Variants in DBH observed in about 807,000 individuals in gnomAD.
DBH encodes dopamine beta-hydroxylase (dopamine beta-monooxygenase).
A neutral mutation model predicts 64.0 loss-of-function variants in DBH; 49 were observed. The observed-to-expected ratio is 0.77, with a 90% confidence interval of 0.61 to 0.97. DBH has a LOEUF of 0.97. DBH is among the 50% of genes least tolerant of loss of function. The pLI is 0.00. For missense variants in DBH, 828 were observed against 826.6 expected, an observed-to-expected ratio of 1.00 and a Z score of -0.02; for synonymous variants, 343 against 347.1, an observed-to-expected ratio of 0.99 and a Z score of 0.13.
chr9:133,641,287 G>A (rs1021697281), intron 2 of DBH, among the ~76,000 whole-genome samples: 5 of 152,230 alleles, frequency 3.3e-5, no homozygotes, highest in Non-Finnish European at 7.3e-5. Flanking sequence ...TGCTGGGGCA[G>A]ACCTGGTGCC....
At chr9:133,640,419 C>CA (rs992718628) in intron 2 of DBH, among the ~76,000 whole-genome samples, 2 of 152,190 alleles carry the variant, frequency 1.3e-5, no homozygotes, top group Non-Finnish European at 2.9e-5. Context: ...AACTGCCCCC[C>CA]TCCTCTGGAC....
intron 9 of DBH, chr9:133,654,951 G>C (rs1832296539): frequency 6.6e-6 from 1 of 152,346 alleles, no homozygotes; most frequent in Admixed American, 6.5e-5. Context: ...GGCCAGGGAT[G>C]GGAGGGTCTT....
rs895186514 is a variant in DBH at position 133,659,051 on chromosome 9, T to TATCA, written c.*605_*608dup. ...CCTAAAGGGAAGCCCTGACAACAAC[T>TATCA]ATCACCAAAAGACGAGGCGGCAAAG... On this transcript the variant is annotated 3_prime_UTR_variant, in exon 12 of 12. Coordinates refer to ENST00000393056, the MANE Select transcript of DBH (RefSeq NM_000787.4). 6 of 152,186 alleles carry TATCA rather than the reference T, an allele frequency of 3.9e-5. No homozygotes were observed. Among genetic ancestry groups the TATCA allele is most frequent in the African/African-American group, 9.7e-5 (4 of 41,430 alleles). 9.4% of individuals were successfully genotyped at this position (152,186 alleles called of 1,614,324 possible).
chr9:133,656,770 G>A, intron 10 of DBH, 120 bp downstream of exon 10: 2 of 1,312,044 alleles, frequency 1.5e-6, no homozygotes, highest in Non-Finnish European at 2.1e-6. Flanking sequence ...AGAGACCTGT[G>A]GCGGCATCAC....
chr9:133,653,027 C>G, intron 9 of DBH, 28 bp downstream of exon 9: 1 of 1,571,156 alleles, frequency 6.4e-7, no homozygotes. Context: ...CCCCCTGCAC[C>G]TGCCCAGGGC....
intron 6 of DBH, among the ~76,000 whole-genome samples, chr9:133,649,294 C>T (rs562815660): frequency 6.6e-6 from 1 of 152,290 alleles, no homozygotes; most frequent in South Asian, 2.1e-4. Flanking sequence ...ATGTTACAAA[C>T]ATTTCCTCCT....
chr9:133,656,943 T>G (rs1222923646), intron 10 of DBH, 127 bp from the exon 11 acceptor site: 9 of 1,144,860 alleles, frequency 7.9e-6, no homozygotes, highest in African/African-American at 1.5e-5. Context: ...GCAGCGGGGC[T>G]GGGGAGGAGG....
At position 133,648,016 on chromosome 9, in the gene DBH, A is replaced by G. The variant is rs1000629365; in HGVS notation, c.1191+4A>G. On this transcript the variant is annotated splice_donor_region_variant and intron_variant, in intron 6 of 11. Coordinates refer to ENST00000393056, the MANE Select transcript of DBH (RefSeq NM_000787.4). ...CACGGACAAGTGCACCCAGCTGGTG[A>G]GTGGGGCTGGGCCCGGCACTGCACC... is the stretch of plus-strand genomic sequence containing the variant. 5 of 1,610,790 alleles carry G rather than the reference A, an allele frequency of 3.1e-6. No homozygotes were observed. In the South Asian group the frequency reaches 4.4e-5, roughly 14 times the overall value.
intron 6 of DBH, among the ~76,000 whole-genome samples, chr9:133,650,528 C>T (rs1588351880): frequency 4.3e-5 from 5 of 116,116 alleles, no homozygotes; most frequent in South Asian, 2.8e-4. Flanking sequence ...TTCCTTCCTT[C>T]TCTTTTCTTT....
In DBH at chr9:133,643,705, C is replaced by A. The variant is rs1223907220; in HGVS notation, c.921+116C>A. ...CTTCAAGAAGGGGCTCCCAAGGGGG[C>A]TCACGAGGCCACCAGAAGGGCCAGG... On this transcript the variant is annotated intron_variant, in intron 4 of 11. Transcript: ENST00000393056. This position sits in a 1 kb window ranked among gnomAD's most constrained non-coding sequence, Gnocchi z 5.3. 7.4e-6 allele frequency: 9 copies of A among 1,214,754 alleles called. No homozygotes were observed. Among genetic ancestry groups the A allele is most frequent in the Non-Finnish European group, 8.1e-6 (7 of 863,168 alleles). The allele number at this position is 1,214,754 out of a possible 1,614,324, so 75.2% of individuals were successfully genotyped here. A position where few individuals can be genotyped will look rare whatever the true frequency, so the allele number is the denominator to read the frequency against.
At chr9:133,642,571 G>T in intron 3 of DBH, 107 bp downstream of exon 3, 1 of 1,398,528 alleles carries the variant, frequency 7.2e-7, no homozygotes. Context: ...TGGACCAGGT[G>T]TCCTCTTATC....
intron 6 of DBH, among the ~76,000 whole-genome samples, chr9:133,648,251 C>T (rs1056426192): frequency 6.6e-6 from 1 of 152,264 alleles, no homozygotes. Flanking sequence ...TCCACACCCA[C>T]GTGCCAGGCT....
intron 1 of DBH, among the ~76,000 whole-genome samples, chr9:133,638,462 G>A (rs920679490): frequency 6.6e-6 from 1 of 152,232 alleles, no homozygotes; most frequent in African/African-American, 2.4e-5. Context: ...AAGGGCCCGA[G>A]GCTTTCTTGG....
intron 6 of DBH, 91 bp downstream of exon 6, chr9:133,648,103 G>C (rs544840670): frequency 2.8e-5 from 40 of 1,444,982 alleles, no homozygotes; most frequent in Non-Finnish European, 2.8e-6. Context: ...AGGGTGGCAG[G>C]CACAGCTTTG....
rs567570641 is a variant in DBH, at chr9:133,642,277, C to T, written c.557C>T (p.Ser186Leu). Residue 186 changes from serine to leucine, a missense_variant, in exon 3 of 12, where the codon TCG becomes TTG. Physicochemically the swap from Ser to Leu is moderately radical, Grantham distance 145. Transcript: ENST00000393056. ...CGGTCACTGGAGGCCATCAACGGCT[C>T]GGGCCTGCAGATGGGGCTGCAGAGG... ...PFRSLEAING[S>L]GLQMGLQRVQ... 3.7e-5 allele frequency: 60 copies of T among 1,614,042 alleles called. No individual in the cohort carries two copies. The highest frequency in any genetic ancestry group is 1.0e-4 in the Admixed American group (6 of 60,030).
chr9:133,642,522 G>C, intron 3 of DBH, 58 bp downstream of exon 3: 1 of 1,548,612 alleles, frequency 6.5e-7, no homozygotes, highest in Non-Finnish European at 8.7e-7. Context: ...CCCGGGCCTG[G>C]GTTGTCCCTG....
intron 8 of DBH, 53 bp downstream of exon 8, chr9:133,652,337 T>TGA: frequency 1.3e-6 from 2 of 1,595,192 alleles, no homozygotes; most frequent in Admixed American, 1.7e-5. Context: ...CTGGGGTGGC[T>TGA]GAGAGGGCTG....
chr9:133,639,083 A>G (rs1033506099), intron 1 of DBH, among the ~76,000 whole-genome samples: 10 of 152,046 alleles, frequency 6.6e-5, no homozygotes, highest in South Asian at 6.2e-4. Context: ...AACAATGCCT[A>G]GGCTGCAGGG....
intron 9 of DBH, 128 bp downstream of exon 9, chr9:133,653,127 T>C: frequency 2.6e-6 from 2 of 769,538 alleles, no homozygotes; most frequent in Non-Finnish European, 4.6e-6. Context: ...AGCCAGTCGT[T>C]CTCAGCTCCC....
Sources: allele counts gnomAD v4.1 joint callset (sites outside exome capture counted in the v4.1 genomes callset), GRCh38; gene constraint gnomAD v4.1.1; non-coding constraint Gnocchi (gnomAD v3.1); transcripts MANE v1.5; gene names NCBI Gene and HGNC (gene_info 2026-07-23, HGNC 2026-07-21).